Variants in CRYBG3 observed in about 807,000 individuals in gnomAD.
The protein encoded by CRYBG3 is very large A-kinase anchor protein.
In CRYBG3, 127 loss-of-function variants were observed where a neutral mutation model predicts 244.2. The observed-to-expected ratio is 0.52, with a 90% confidence interval of 0.45 to 0.60. CRYBG3 has a LOEUF of 0.60. Among genes scored for constraint, CRYBG3 ranks in the 20% least tolerant of loss-of-function variants. CRYBG3 has a pLI of 0.00. For synonymous variants in CRYBG3, 1,132 were observed against 1,195.8 expected, an observed-to-expected ratio of 0.95 and a Z score of 1.10; for missense variants, 3,325 against 3,442.5, an observed-to-expected ratio of 0.97 and a Z score of 0.85.
intron 6 of CRYBG3, among the ~76,000 whole-genome samples, chr3:97,880,761 T>A (rs2039435350): frequency 6.6e-6 from 1 of 152,240 alleles, no homozygotes; most frequent in Non-Finnish European, 1.5e-5. Context: ...TTGTTTTTTA[T>A]GCAACTGTAT....
chr3:97,838,670 A>T (rs1046018977), intron 1 of CRYBG3, among the ~76,000 whole-genome samples: 31 of 152,080 alleles, frequency 2.0e-4, no homozygotes, highest in African/African-American at 7.5e-4. Flanking sequence ...GTGCACTGCT[A>T]GTTTGTTGAG....
At chr3:97,922,906 C>A (rs1210337696) in intron 17 of CRYBG3, among the ~76,000 whole-genome samples, 1 of 147,390 alleles carries the variant, frequency 6.8e-6, no homozygotes, top group African/African-American at 2.4e-5. Context: ...TATTGTGGCA[C>A]TATTCACAAT....
chr3:97,912,243 T>C lies in CRYBG3; in HGVS notation c.8081T>C (p.Leu2694Pro). ...GAAGAAACTTCTGATTTGACTTCAC[T>C]CATGCCATGTTCTTTTAAAGTTCTT... ...FTEETSDLTS[L>P]MPCSFKVLRG... Residue 2694 changes from leucine (L) to proline (P), a missense_variant, in exon 16 of 22, where the codon CTC (leucine) becomes CCC (proline). Leu to Pro is a moderately conservative substitution (Grantham distance 98). Transcript: ENST00000389622. 1 of 1,606,308 alleles carries C rather than the reference T, an allele frequency of 6.2e-7. No homozygotes were observed. The highest frequency in any genetic ancestry group is 1.1e-5 in the South Asian group (1 of 89,924).
rs1016348250 is a variant in CRYBG3, at chr3:97,879,735, C to G, written c.6875C>G (p.Pro2292Arg). 6.2e-7 allele frequency: 1 copy of G among 1,604,114 alleles called. No homozygotes were observed. The highest frequency in any genetic ancestry group is 1.3e-5 in the African/African-American group (1 of 74,654). The change falls in exon 5 of 22, where the codon CCA becomes CGA. Residue 2292 changes from proline to arginine, a missense_variant. Physicochemically the swap from Pro to Arg is moderately radical, Grantham distance 103 (BLOSUM62 -2). Transcript: ENST00000389622. ...NVDKQTLRCN[P>R]RPGKMVIYDL... ...GACAAACAAACTCTGAGATGTAACC[C>G]AAGACCTGGGAAGGTAAGGATAACT... is the stretch of plus-strand genomic sequence containing the variant.
At position 97,941,148 on chromosome 3, in the gene CRYBG3, C is replaced by T; in HGVS notation, c.8506C>T (p.Pro2836Ser). ...TIGSLRPMKQ[P>S]AVYIRIKNRA... is the part of the protein sequence containing the mutation. ...TAAATGGCTGTTTCTCCTGTCATAG[C>T]CTGCAGTGTACATCAGAATAAAGAA... Residue 2836 changes from proline (P) to serine (S), a missense_variant and splice_region_variant, in exon 20 of 22, where the codon CCT becomes TCT. Coordinates refer to ENST00000389622, the MANE Select transcript of CRYBG3 (RefSeq NM_153605.4). 6.2e-7 allele frequency: 1 copy of T among 1,603,182 alleles called. No homozygotes were observed. The highest frequency in any genetic ancestry group is 8.5e-7 in the Non-Finnish European group (1 of 1,174,724).
At chr3:97,920,200 G>C (rs187770636) in intron 17 of CRYBG3, among the ~76,000 whole-genome samples, 1 of 152,182 alleles carries the variant, frequency 6.6e-6, no homozygotes, top group Admixed American at 6.5e-5. Context: ...TACTGAATAT[G>C]AATTAAAAAA....
intron 2 of CRYBG3, among the ~76,000 whole-genome samples, chr3:97,863,164 T>G (rs1219133603): frequency 6.6e-6 from 1 of 152,162 alleles, no homozygotes; most frequent in African/African-American, 2.4e-5. Context: ...GTTTTCTGAC[T>G]CACACTTGAG....
rs181830982 is a variant in CRYBG3 at position 97,922,207 on chromosome 3, A to C, written c.8241+6471A>C. Among the ~76,000 whole-genome samples the C allele has an allele frequency of 5.9e-5, 9 of 152,314 alleles. No individual in the cohort carries two copies. The East Asian group carries it at 1.7e-3, about 29-fold the overall frequency. On this transcript the variant is annotated intron_variant, in intron 17 of 21. Transcript: ENST00000389622. ...TTAATTCAAGATGGATTAAAGACTT[A>C]AATGTTAGACCTAAAACCATAAAAA...
At chr3:97,866,482 A>T (rs1195405729) in intron 3 of CRYBG3, among the ~76,000 whole-genome samples, 1 of 152,232 alleles carries the variant, frequency 6.6e-6, no homozygotes, top group African/African-American at 2.4e-5. Flanking sequence ...CTGGGACCTC[A>T]TTAGAAATGC....
At chr3:97,906,125 C>T (rs991698861) in intron 15 of CRYBG3, among the ~76,000 whole-genome samples, 5 of 149,776 alleles carry the variant, frequency 3.3e-5, no homozygotes, top group Non-Finnish European at 7.4e-5. Context: ...GGTACCAGTA[C>T]CATACTGTTT....
At chr3:97,863,692 C>T (rs1419133027) in intron 2 of CRYBG3, among the ~76,000 whole-genome samples, 2 of 152,044 alleles carry the variant, frequency 1.3e-5, no homozygotes, top group Non-Finnish European at 2.9e-5. Flanking sequence ...AATACTCTCC[C>T]TTATCTCTGT....
Position 97,877,028 on chromosome 3 carries a change from C to A in CRYBG3, c.5834C>A (p.Pro1945Gln). 1 of 1,576,586 alleles carries A rather than the reference C, an allele frequency of 6.3e-7. No individual in the cohort carries two copies. The highest frequency in any genetic ancestry group is 1.2e-5 in the South Asian group (1 of 83,578). Reference protein sequence around the residue: ...PTLSKDYEGYPAPAMPDFQPG... With the variant: ...PTLSKDYEGYQAPAMPDFQPG... ...TTAAGTAAGGATTATGAGGGCTACC[C>A]AGCCCCAGCAATGCCAGATTTTCAA... The change falls in exon 4 of 22, where the codon CCA (proline) becomes CAA (glutamine). Residue 1945 changes from proline to glutamine, a missense_variant. Pro to Gln is a moderately conservative substitution (Grantham distance 76). Transcript: ENST00000389622.
intron 17 of CRYBG3, among the ~76,000 whole-genome samples, chr3:97,926,882 A>G (rs182154678): frequency 5.0e-4 from 76 of 152,160 alleles, no homozygotes; most frequent in African/African-American, 1.7e-3. Context: ...GATCTCTACA[A>G]TGAAAATTAC....
chr3:97,941,109 C>A, intron 19 of CRYBG3, 39 bp from the exon 20 acceptor site: 2 of 1,553,718 alleles, frequency 1.3e-6, no homozygotes, highest in South Asian at 2.4e-5. Context: ...TTTCCAGATT[C>A]AAAAGTTTAT....
rs549656869 is a variant in CRYBG3 at position 97,840,071 on chromosome 3, G to A, written c.150-3124G>A. Among the ~76,000 whole-genome samples the A allele has an allele frequency of 1.4e-4, 21 of 152,044 alleles. No individual in the cohort carries two copies. In the South Asian group the frequency reaches 3.5e-3, roughly 26 times the overall value. ...GGAGGTATTGCTGCATGCAGTGAGA[G>A]CACAAAAAATACAAGTAAAACCAGA... On this transcript the variant is annotated intron_variant, in intron 1 of 21. Coordinates refer to ENST00000389622, the MANE Select transcript of CRYBG3 (RefSeq NM_153605.4).
chr3:97,880,144 A>G, intron 6 of CRYBG3, 44 bp downstream of exon 6: 1 of 994,946 alleles, frequency 1.0e-6, no homozygotes, highest in Non-Finnish European at 1.5e-6. Flanking sequence ...TCTTAAATTA[A>G]ATGTGTCTTC....
chr3:97,851,895 C>T (rs1276255074), intron 2 of CRYBG3, among the ~76,000 whole-genome samples: 6 of 151,902 alleles, frequency 3.9e-5, no homozygotes, highest in East Asian at 1.9e-4. Flanking sequence ...GCAGCAAATC[C>T]GGTTAGGCCA....
At chr3:97,869,040 G>C (rs1012133567) in intron 3 of CRYBG3, among the ~76,000 whole-genome samples, 1 of 150,342 alleles carries the variant, frequency 6.7e-6, no homozygotes, top group African/African-American at 2.4e-5. Flanking sequence ...TTCAGACTCT[G>C]TATCTTCATA....
intron 17 of CRYBG3, among the ~76,000 whole-genome samples, chr3:97,928,472 C>T (rs571588661): frequency 2.0e-5 from 3 of 151,764 alleles, no homozygotes; most frequent in Admixed American, 1.3e-4. Context: ...TATTACCTGG[C>T]GATGAAATAA....
Sources: gnomAD v4.1 joint callset for allele counts (sites outside exome capture counted in the v4.1 genomes callset) on GRCh38, gnomAD v4.1.1 for gene constraint, MANE v1.5 for transcripts, NCBI Gene and HGNC (gene_info 2026-07-23, HGNC 2026-07-21) for gene names.